Variants in ZNF503 observed in about 807,000 individuals in gnomAD.
ZNF503 encodes zinc finger protein 503, also known as NocA-like zinc finger 2.
A neutral mutation model predicts 34.4 loss-of-function variants in ZNF503; 15 were observed. The ratio of observed to expected loss-of-function variants is 0.44; its 90% CI spans 0.29 to 0.67. ZNF503 has a LOEUF of 0.67. Among genes scored for constraint, ZNF503 ranks in the 30% least tolerant of loss-of-function variants. ZNF503 has a pLI of 0.13. For synonymous variants in ZNF503, 580 were observed against 456.8 expected (o/e 1.27, Z -3.44); for missense variants, 1,007 against 926.8 (o/e 1.09, Z -1.12).
chr10:75,329,020 T>C, the ZNF503 span, among the ~76,000 whole-genome samples: 12 of 152,200 alleles, frequency 7.9e-5, no homozygotes, highest in Admixed American at 2.0e-4. Flanking sequence ...GTGCTGGGAT[T>C]ATAGGCGTGA....
the ZNF503 span, among the ~76,000 whole-genome samples, chr10:75,380,950 G>A: frequency 1.3e-5 from 2 of 152,152 alleles, no homozygotes; most frequent in Admixed American, 6.5e-5. Context: ...GGCATTCGCG[G>A]GAATTATTCA....
chr10:75,398,848 G>A lies in ZNF503; in HGVS notation c.1842C>T (p.Gly614=), dbSNP rs530152615. ...TGGCGGCGGGCACCGGCACGGGGGC[G>A]CCAGGCGTGGGAAGCGGGCTCTTGG... ...PYSKSPLPTP[G]APVPVPAATG... Residue 614 remains glycine (G), a synonymous_variant, in exon 2 of 2, where the codon GGC becomes GGT. Coordinates refer to ENST00000372524, the MANE Select transcript of ZNF503 (RefSeq NM_032772.6). 3.3e-6 allele frequency: 5 copies of A among 1,503,804 alleles called. No homozygotes were observed. The highest frequency in any genetic ancestry group is 1.4e-5 in the South Asian group (1 of 73,438). 93.2% of individuals were successfully genotyped at this position (1,503,804 alleles called of 1,614,324 possible).
the ZNF503 span, among the ~76,000 whole-genome samples, chr10:75,294,581 G>A: frequency 1.3e-5 from 2 of 152,182 alleles, 1 homozygote; most frequent in South Asian, 4.1e-4. Flanking sequence ...GTTCAGGCAC[G>A]GGCAGCCTCA....
the ZNF503 span, among the ~76,000 whole-genome samples, chr10:75,293,335 C>T: frequency 2.0e-5 from 3 of 152,118 alleles, no homozygotes; most frequent in African/African-American, 7.2e-5. Flanking sequence ...CATTGTGGGC[C>T]AGGACAGGTG....
At chr10:75,389,455 C>T in the ZNF503 span, among the ~76,000 whole-genome samples, 1 of 152,126 alleles carries the variant, frequency 6.6e-6, no homozygotes, top group African/African-American at 2.4e-5. Flanking sequence ...ATGGGCCAGG[C>T]GCAGTGGCTC....
At chr10:75,356,740 G>A in the ZNF503 span, among the ~76,000 whole-genome samples, 1 of 152,132 alleles carries the variant, frequency 6.6e-6, no homozygotes, top group Non-Finnish European at 1.5e-5. Context: ...TCCCATTGAG[G>A]CCCTGACAGA....
chr10:75,314,859 A>G, the ZNF503 span, among the ~76,000 whole-genome samples: 3 of 152,238 alleles, frequency 2.0e-5, no homozygotes, highest in African/African-American at 7.2e-5. Context: ...GAGGGAGTTT[A>G]TTACTACCAG....
the ZNF503 span, among the ~76,000 whole-genome samples, chr10:75,385,454 C>T: frequency 7.9e-5 from 12 of 152,330 alleles, no homozygotes; most frequent in South Asian, 1.9e-3. Flanking sequence ...TCAGCTGGGG[C>T]GGCCCAAAGC....
At chr10:75,393,054 TCTCA>T (rs1843660763), downstream of ZNF503, among the ~76,000 whole-genome samples, 1 of 152,214 alleles carries the variant, frequency 6.6e-6, no homozygotes, top group Non-Finnish European at 1.5e-5. Context: ...TTTATGCTGG[TCTCA>T]CTCTAGGAAT....
Position 75,401,648 on chromosome 10 carries a change from G to A in ZNF503, c.-229C>T. 1 of 537,536 alleles carries A rather than the reference G, an allele frequency of 1.9e-6. No individual in the cohort carries two copies. The highest frequency in any genetic ancestry group is 3.7e-5 in the East Asian group (1 of 26,774). 33.3% of individuals were successfully genotyped at this position (537,536 alleles called of 1,614,324 possible). A position where few individuals can be genotyped will look rare whatever the true frequency, so the allele number is the denominator to read the frequency against. On this transcript the variant is annotated 5_prime_UTR_variant, in exon 1 of 2. Transcript: ENST00000372524. ...GCTAGAGGAGCCGGCTGGACTGCGG[G>A]AGTGCCGGGCGGCTCGCGGTGTCCG... is the stretch of plus-strand genomic sequence containing the variant.
At chr10:75,372,838 C>T in the ZNF503 span, among the ~76,000 whole-genome samples, 1 of 152,176 alleles carries the variant, frequency 6.6e-6, no homozygotes. Flanking sequence ...GAACCCATTT[C>T]CATTACAGCC....
At chr10:75,392,373 C>T in the ZNF503 span, among the ~76,000 whole-genome samples, 1 of 152,092 alleles carries the variant, frequency 6.6e-6, no homozygotes, top group Non-Finnish European at 1.5e-5. Context: ...GGTACAGTGA[C>T]CTTTATATCT....
the ZNF503 span, among the ~76,000 whole-genome samples, chr10:75,325,824 C>T: frequency 4.0e-5 from 6 of 149,194 alleles, no homozygotes; most frequent in African/African-American, 1.5e-4. Flanking sequence ...CATACAGATC[C>T]TGCACATATT....
chr10:75,393,175 G>A (rs1843661896), downstream of ZNF503, among the ~76,000 whole-genome samples: 1 of 152,224 alleles, frequency 6.6e-6, no homozygotes, highest in Non-Finnish European at 1.5e-5. Context: ...ACTGGGCATA[G>A]AGGCCTTAGT....
the ZNF503 span, among the ~76,000 whole-genome samples, chr10:75,379,832 C>T: frequency 1.6e-4 from 24 of 152,286 alleles, 1 homozygote; most frequent in South Asian, 1.2e-3. Flanking sequence ...GAAGCGTGGA[C>T]GCAAATTTCA....
the ZNF503 span, among the ~76,000 whole-genome samples, chr10:75,376,198 A>T: frequency 0.7 from 106,649 of 152,100 alleles, 38,929 homozygotes; most frequent in African/African-American, 0.92. Context: ...TGACATCACT[A>T]GGTGTTCTGG....
chr10:75,397,147 C>T (rs909020974), downstream of ZNF503, among the ~76,000 whole-genome samples: 7 of 134,612 alleles, frequency 5.2e-5, no homozygotes, highest in South Asian at 2.7e-4. Context: ...GCCACCCGGA[C>T]GGGGAAAAGC....
chr10:75,346,149 A>T, the ZNF503 span, among the ~76,000 whole-genome samples: 1 of 152,136 alleles, frequency 6.6e-6, no homozygotes, highest in African/African-American at 2.4e-5. Flanking sequence ...TGAGAGGTAG[A>T]GGTAATATAG....
chr10:75,308,356 C>T, the ZNF503 span, among the ~76,000 whole-genome samples: 1 of 152,158 alleles, frequency 6.6e-6, no homozygotes, highest in East Asian at 1.9e-4. Flanking sequence ...TGACAATGCA[C>T]CTAGTTACTC....
Sources: allele counts gnomAD v4.1 joint callset (sites outside exome capture counted in the v4.1 genomes callset), GRCh38; gene constraint gnomAD v4.1.1; transcripts MANE v1.5; gene names NCBI Gene and HGNC (gene_info 2026-07-23, HGNC 2026-07-21).